Variants in ATP6V1E1 observed in about 807,000 individuals in gnomAD.
ATP6V1E1 encodes the protein V-type proton ATPase subunit E 1.
In ATP6V1E1, 21 loss-of-function variants were observed where a neutral mutation model predicts 35.2. That is an observed-to-expected ratio of 0.60 (90% confidence interval 0.42 to 0.86). The LOEUF (loss-of-function observed/expected upper bound fraction) is 0.86. ATP6V1E1 is among the 40% of genes least tolerant of loss of function. The pLI is 0.00. For synonymous variants in ATP6V1E1, 83 were observed against 87.8 expected, an observed-to-expected ratio of 0.95 and a Z score of 0.30; for missense variants, 183 against 272.6, an observed-to-expected ratio of 0.67 and a Z score of 2.32.
chr22:17,606,449 T>C (rs1220084179), intron 4 of ATP6V1E1, among the ~76,000 whole-genome samples: 1 of 151,902 alleles, frequency 6.6e-6, no homozygotes, highest in Non-Finnish European at 1.5e-5. Context: ...ATTTACAGGG[T>C]TCAATGACGG....
chr22:17,594,094 C>T (rs1376854768), intron 8 of ATP6V1E1, among the ~76,000 whole-genome samples: 2 of 151,958 alleles, frequency 1.3e-5, no homozygotes, highest in South Asian at 2.1e-4. Flanking sequence ...CCCAGCTACT[C>T]GGGAGGCTGA....
chr22:17,595,834 A>G (rs1404850231), intron 7 of ATP6V1E1, among the ~76,000 whole-genome samples: 2 of 151,782 alleles, frequency 1.3e-5, no homozygotes, highest in Admixed American at 1.3e-4. Context: ...ATACAACAAC[A>G]ACAACAAAAA....
At chr22:17,597,701 G>A (rs1215956188) in intron 7 of ATP6V1E1, among the ~76,000 whole-genome samples, 1 of 151,880 alleles carries the variant, frequency 6.6e-6, no homozygotes, top group Non-Finnish European at 1.5e-5. Context: ...CGTGTTCTTG[G>A]CTCGCTACAA....
intron 7 of ATP6V1E1, among the ~76,000 whole-genome samples, chr22:17,595,835 A>G (rs568247760): frequency 6.6e-6 from 1 of 151,734 alleles, no homozygotes; most frequent in East Asian, 1.9e-4. Flanking sequence ...TACAACAACA[A>G]CAACAAAAAA....
intron 1 of ATP6V1E1, among the ~76,000 whole-genome samples, chr22:17,621,584 C>T (rs1199934668): frequency 1.3e-5 from 2 of 152,122 alleles, no homozygotes; most frequent in African/African-American, 2.4e-5. Flanking sequence ...TGTGAGTCAC[C>T]GTACTCAGCC....
rs1476362416 is a variant in ATP6V1E1 at position 17,622,893 on chromosome 22, G to A, written c.34-3367C>T. On this transcript the variant is annotated intron_variant, in intron 1 of 8. Coordinates refer to ENST00000253413, the MANE Select transcript of ATP6V1E1 (RefSeq NM_001696.4). ...GAGGCAGGAGAATCACTTGAACCTG[G>A]AGGCGGAGGTTGTGGTAGGCATAGA... 5.3e-5 allele frequency among the ~76,000 whole-genome samples: 8 copies of A among 152,238 alleles called. No homozygotes were observed. The East Asian group carries it at 1.4e-3, about 26-fold the overall frequency.
chr22:17,609,071 C>A (rs551479373), intron 4 of ATP6V1E1, among the ~76,000 whole-genome samples: 32 of 151,770 alleles, frequency 2.1e-4, no homozygotes, highest in Admixed American at 1.6e-3. Context: ...CCAGCCTGGG[C>A]GATAGAGCGA....
At position 17,606,021 on chromosome 22, in the gene ATP6V1E1, C is replaced by T. The variant is rs140128542; in HGVS notation, c.277-4840G>A. Among the ~76,000 whole-genome samples, 521 of 152,132 alleles carry T rather than the reference C, an allele frequency of 3.4e-3. 1 individual carries two copies. The highest frequency in any genetic ancestry group is 6.2e-3 in the Non-Finnish European group (419 of 68,008). On this transcript the variant is annotated intron_variant, in intron 4 of 8. Coordinates refer to ENST00000253413, the MANE Select transcript of ATP6V1E1 (RefSeq NM_001696.4). ...GAGTAAAGTGGGGTTTAAAAATCTGCCTACTGAGCAGCTGGGAATGGTAAA... is the reference window on the plus strand; with the variant it reads ...GAGTAAAGTGGGGTTTAAAAATCTGTCTACTGAGCAGCTGGGAATGGTAAA...
chr22:17,599,333 T>C (rs2057749479), intron 6 of ATP6V1E1, among the ~76,000 whole-genome samples: 4 of 149,464 alleles, frequency 2.7e-5, no homozygotes, highest in Non-Finnish European at 5.9e-5. Context: ...TCCCAACACT[T>C]TGGGAGGCTG....
chr22:17,626,327 AAG>A (rs1397742572), intron 1 of ATP6V1E1, among the ~76,000 whole-genome samples: 5,953 of 143,758 alleles, frequency 0.041, 151 homozygotes, highest in African/African-American at 0.052. Context: ...AAAAAAAAAA[AAG>A]AAAGAAAAGA....
At chr22:17,621,125 C>T (rs2057875001) in intron 1 of ATP6V1E1, among the ~76,000 whole-genome samples, 1 of 152,016 alleles carries the variant, frequency 6.6e-6, no homozygotes, top group Admixed American at 6.6e-5. Context: ...TACCATAGTC[C>T]TTGCCATCAT....
intron 1 of ATP6V1E1, among the ~76,000 whole-genome samples, chr22:17,623,540 G>A (rs5747287): frequency 0.12 from 18,784 of 151,864 alleles, 1,582 homozygotes; most frequent in Non-Finnish European, 0.18. Flanking sequence ...GCGTGGTGGC[G>A]GGTGCCTGCA....
chr22:17,624,818 C>G (rs1409106848), intron 1 of ATP6V1E1, among the ~76,000 whole-genome samples: 1 of 150,782 alleles, frequency 6.6e-6, no homozygotes, highest in Admixed American at 6.6e-5. Flanking sequence ...AAGACTCCAT[C>G]TCAAAAAAAA....
intron 4 of ATP6V1E1, among the ~76,000 whole-genome samples, chr22:17,612,399 G>A (rs1410461424): frequency 1.3e-5 from 2 of 152,104 alleles, no homozygotes; most frequent in African/African-American, 4.8e-5. Flanking sequence ...GTTAAATTTA[G>A]CCTGCACGCT....
intron 2 of ATP6V1E1, among the ~76,000 whole-genome samples, chr22:17,613,611 C>T (rs528725438): frequency 4.7e-5 from 7 of 148,974 alleles, no homozygotes; most frequent in African/African-American, 1.5e-4. Context: ...AATTACCACA[C>T]GTTCGAAACT....
chr22:17,605,019 C>T lies in ATP6V1E1; in HGVS notation c.277-3838G>A, dbSNP rs533985709. ...TCACCTGAGGTCAGGAGTTTGAGAC[C>T]GGCTTGGCCAACATGGTGAAACCCT... On this transcript the variant is annotated intron_variant, in intron 4 of 8. Transcript: ENST00000253413. Among the ~76,000 whole-genome samples the T allele has an allele frequency of 1.3e-4, 19 of 151,232 alleles. No homozygotes were observed. In the East Asian group the frequency reaches 1.8e-3, roughly 14 times the overall value.
intron 2 of ATP6V1E1, among the ~76,000 whole-genome samples, chr22:17,617,608 T>A (rs1234529193): frequency 2.6e-5 from 4 of 151,908 alleles, no homozygotes. Flanking sequence ...TTGGTAATAT[T>A]TTTAAGGCAA....
Position 17,613,242 on chromosome 22 carries a change from T to C in ATP6V1E1, c.178A>G (p.Lys60Glu). ...TTCTGCTGCTCAATCTGTTTCTCTT[T>C]CTTCTCATAATATTCCATAATCTTT... Reference protein sequence around the residue: ...RLKIMEYYEKKEKQIEQQKKI... With the variant: ...RLKIMEYYEKEEKQIEQQKKI... Residue 60 changes from lysine to glutamate, a missense_variant, in exon 3 of 9, where the codon AAA (lysine) becomes GAA (glutamate). By Grantham distance (56) the Lys-to-Glu change is moderately conservative. Transcript: ENST00000253413. 6.2e-7 allele frequency: 1 copy of C among 1,612,600 alleles called. No homozygotes were observed. Among genetic ancestry groups the C allele is most frequent in the Non-Finnish European group, 8.5e-7 (1 of 1,179,726 alleles).
chr22:17,611,970 T>C (rs1250641490), intron 4 of ATP6V1E1, among the ~76,000 whole-genome samples: 1 of 152,234 alleles, frequency 6.6e-6, no homozygotes, highest in Non-Finnish European at 1.5e-5. Flanking sequence ...TTAGTAGCTA[T>C]TATAGAGAGA....
Sources: allele counts gnomAD v4.1 joint callset (sites outside exome capture counted in the v4.1 genomes callset), GRCh38; gene constraint gnomAD v4.1.1; transcripts MANE v1.5; gene names NCBI Gene and HGNC (gene_info 2026-07-23, HGNC 2026-07-21).